AP1M2: variants seen among roughly 807,000 people sequenced by gnomAD.
The protein encoded by AP1M2 is adaptor related protein complex 1 subunit mu 2, also known as AP-1 complex subunit mu-2.
AP1M2 carries 41 observed loss-of-function variants against 54.6 expected under a neutral mutation model. The observed-to-expected ratio is 0.75, with a 90% CI of 0.59 to 0.97. The LOEUF (loss-of-function observed/expected upper bound fraction) is 0.97. AP1M2 is among the 50% of genes least tolerant of loss of function. The pLI is 0.00. For synonymous variants in AP1M2, 219 were observed against 215.9 expected, an observed-to-expected ratio of 1.01 and a Z score of -0.13; for missense variants, 507 against 561.2, an observed-to-expected ratio of 0.90 and a Z score of 0.98.
intron 11 of AP1M2, among the ~76,000 whole-genome samples, chr19:10,573,711 G>C (rs1266656176): frequency 7.0e-6 from 1 of 142,578 alleles, no homozygotes; most frequent in Non-Finnish European, 1.5e-5. Context: ...GCCCAGGATG[G>C]AGTGCAGTGG....
intron 1 of AP1M2, among the ~76,000 whole-genome samples, chr19:10,585,283 A>AAAGAAAGAAAGAAAGAAAGAAAG (rs1568434699): frequency 5.7e-5 from 6 of 104,566 alleles, no homozygotes; most frequent in African/African-American, 1.7e-4. Flanking sequence ...AAAGAAGAAA[A>AAAGAAAGAAAGAAAGAAAGAAAG]AAAGAAAGAA....
At position 10,578,957 on chromosome 19, in the gene AP1M2, G is replaced by A; in HGVS notation, c.823C>T (p.Pro275Ser). 6.2e-7 allele frequency: 1 copy of A among 1,604,522 alleles called. No homozygotes were observed. Among genetic ancestry groups the A allele is most frequent in the Non-Finnish European group, 8.5e-7 (1 of 1,175,562 alleles). The change falls in exon 8 of 12, where the codon CCA becomes TCA. Residue 275 changes from proline to serine, a missense_variant. By Grantham distance (74) the Pro-to-Ser change is moderately conservative (BLOSUM62 -1). Transcript: ENST00000250244. ...ATGACAGACTCAATCCAGATCAGTG[G>A]CTTGACCTGTGGGAAGAAGAAGGGG... Reference protein sequence around the residue: ...MSYRLSTQVKPLIWIESVIEK... With the variant: ...MSYRLSTQVKSLIWIESVIEK...
chr19:10,580,021 G>A (rs1479151557), intron 6 of AP1M2, among the ~76,000 whole-genome samples, 163 bp from the exon 7 acceptor site: 1 of 144,462 alleles, frequency 6.9e-6, no homozygotes, highest in African/African-American at 2.6e-5. Flanking sequence ...TCTGAACCTA[G>A]TATCTGTACA....
Position 10,581,777 on chromosome 19 carries a change from C to G in AP1M2, c.369G>C (p.Pro123=). 2 of 1,613,758 alleles carry G rather than the reference C, an allele frequency of 1.2e-6. No individual in the cohort carries two copies. Among genetic ancestry groups the G allele is most frequent in the South Asian group, 2.2e-5 (2 of 91,038 alleles). The change falls in exon 4 of 12, where the codon CCG becomes CCC. Residue 123 remains proline, a synonymous_variant. Coordinates refer to ENST00000250244, the MANE Select transcript of AP1M2 (RefSeq NM_005498.5). ...LLDELMDFGF[P]QTTDSKILQE... ...GCAGGATCTTGCTGTCGGTGGTCTGCGGGAAGCCAAAGTCCATGAGCTCGT... is the reference window on the plus strand; with the variant it reads ...GCAGGATCTTGCTGTCGGTGGTCTGGGGGAAGCCAAAGTCCATGAGCTCGT...
chr19:10,583,211 G>C (rs1031933204), intron 3 of AP1M2, among the ~76,000 whole-genome samples: 1 of 151,930 alleles, frequency 6.6e-6, no homozygotes, highest in Non-Finnish European at 1.5e-5. Context: ...GGGATTGGAT[G>C]CCAAGTCCTT....
chr19:10,584,797 G>A (rs1227945091), intron 1 of AP1M2, among the ~76,000 whole-genome samples: 1 of 152,088 alleles, frequency 6.6e-6, no homozygotes, highest in Admixed American at 6.6e-5. Flanking sequence ...GAGAAGTGAG[G>A]TTAGAAACCA....
At chr19:10,583,173 GGTCACACA>G (rs757277853) in intron 3 of AP1M2, among the ~76,000 whole-genome samples, 2 of 151,618 alleles carry the variant, frequency 1.3e-5, no homozygotes, top group Admixed American at 6.6e-5. Flanking sequence ...ACTTGCTCAA[GGTCACACA>G]GTGAGGAAGC....
chr19:10,577,351 C>T lies in AP1M2; in HGVS notation c.894G>A (p.Lys298=). The T allele has an allele frequency of 6.2e-7, 1 of 1,604,444 alleles. No homozygotes were observed. The highest frequency in any genetic ancestry group is 8.5e-7 in the Non-Finnish European group (1 of 1,174,878). ...CCACTGACTGTTTCTTAAACTGCCC[C>T]TTGGCCTGTCAGGGGAGCGAGCATG... ...HSRVEIMVKA[K]GQFKKQSVAN... is the part of the protein sequence containing the mutation. The change falls in exon 9 of 12, where the codon AAG becomes AAA. Residue 298 remains lysine, a synonymous_variant. Coordinates refer to ENST00000250244, the MANE Select transcript of AP1M2 (RefSeq NM_005498.5).
chr19:10,579,090 T>G, intron 7 of AP1M2, 127 bp from the exon 8 acceptor site: 1 of 682,504 alleles, frequency 1.5e-6, no homozygotes, highest in South Asian at 2.0e-5. Flanking sequence ...CATGGCGTGA[T>G]CTTGGCTCAC....
At chr19:10,585,293 A>AGG (rs1251253018) in intron 1 of AP1M2, among the ~76,000 whole-genome samples, 9 of 109,156 alleles carry the variant, frequency 8.2e-5, no homozygotes, top group Admixed American at 3.3e-4. Flanking sequence ...AAAAGAAAGA[A>AGG]AGAAAGAAAG....
At chr19:10,573,293 C>A (rs977496978) in intron 11 of AP1M2, among the ~76,000 whole-genome samples, 7 of 152,008 alleles carry the variant, frequency 4.6e-5, no homozygotes, top group African/African-American at 1.5e-4. Flanking sequence ...ATGGTGCACA[C>A]CTGTAATCCC....
At chr19:10,579,234 G>A (rs1364403660) in intron 7 of AP1M2, among the ~76,000 whole-genome samples, 1 of 151,580 alleles carries the variant, frequency 6.6e-6, no homozygotes, top group Admixed American at 6.6e-5. Flanking sequence ...GGCTAACACG[G>A]CGAAACCCCG....
rs985721890 is a variant in AP1M2, at chr19:10,587,288, G to A, written c.-57C>T. 1.3e-6 allele frequency: 2 copies of A among 1,546,928 alleles called. No homozygotes were observed. The highest frequency in any genetic ancestry group is 1.4e-5 in the African/African-American group (1 of 73,106). Reference sequence around the variant, plus strand: ...GGGAGCGCCGGGAGGCGATGGCGGCGCCGCTTCCTTCTTCCTGCGGAAGCG... The same window carrying A: ...GGGAGCGCCGGGAGGCGATGGCGGCACCGCTTCCTTCTTCCTGCGGAAGCG... On this transcript the variant is annotated 5_prime_UTR_variant, in exon 1 of 12. Transcript: ENST00000250244.
At chr19:10,577,504 G>A in intron 8 of AP1M2, 148 bp from the exon 9 acceptor site, 4 of 871,722 alleles carry the variant, frequency 4.6e-6, no homozygotes, top group African/African-American at 2.0e-5. Flanking sequence ...CGCGATCTCG[G>A]CTGGCTGTAA....
In AP1M2 at chr19:10,573,086, A is replaced by T. The variant is rs369295276; in HGVS notation, c.1252T>A (p.Tyr418Asn). Residue 418 changes from tyrosine to asparagine, a missense_variant and splice_region_variant, in exon 12 of 12, where the codon TAC (tyrosine) becomes AAC (asparagine). By Grantham distance (143) the Tyr-to-Asn change is moderately radical (BLOSUM62 -2). Transcript: ENST00000250244. ...CCCTTCTAGCTGGTACGAAGTTGGT[A>T]ATCTGCAGAGAAAGAATGAGGAGGG... ...WVRYITQSGD[Y>N]QLRTS The T allele has an allele frequency of 4.5e-4, 700 of 1,563,826 alleles. 3 individuals carry two copies. Among genetic ancestry groups the T allele is most frequent in the Non-Finnish European group, 4.2e-5 (48 of 1,154,022 alleles).
intron 1 of AP1M2, 84 bp from the exon 2 acceptor site, chr19:10,584,154 C>A: frequency 4.0e-6 from 6 of 1,491,728 alleles, no homozygotes; most frequent in Non-Finnish European, 5.4e-6. Flanking sequence ...GGTTCTGACC[C>A]TACTTCCTAG....
At position 10,581,381 on chromosome 19, in the gene AP1M2, G is replaced by A. The variant is rs755322175; in HGVS notation, c.558C>T (p.Asn186=). The A allele has an allele frequency of 5.0e-5, 81 of 1,612,090 alleles. No homozygotes were observed. The highest frequency in any genetic ancestry group is 4.9e-4 in the Middle Eastern group (3 of 6,078). ...CGATTTCGCTCAGAAGGACGCTGCCGTTGGCATTGACCTGAGGGAGGACGT... is the reference window on the plus strand; with the variant it reads ...CGATTTCGCTCAGAAGGACGCTGCCATTGGCATTGACCTGAGGGAGGACGT... ...IESVNLLVNA[N]GSVLLSEIVG... is the part of the protein sequence containing the mutation. The change falls in exon 6 of 12, where the codon AAC becomes AAT. Residue 186 remains asparagine (N), a synonymous_variant. Coordinates refer to ENST00000250244, the MANE Select transcript of AP1M2 (RefSeq NM_005498.5).
At chr19:10,580,618 A>C (rs1311965861) in intron 6 of AP1M2, among the ~76,000 whole-genome samples, 1 of 152,120 alleles carries the variant, frequency 6.6e-6, no homozygotes, top group Non-Finnish European at 1.5e-5. Flanking sequence ...AGCTGAGATC[A>C]TGCCACTGCA....
Position 10,573,037 on chromosome 19 carries a change from CG to C in AP1M2, c.*28del. The stretch of plus-strand genomic sequence containing the variant: ...TGCATCCGGGGCTGTAAGGAAGCCC[CG>C]TGTTCAAGCCCCCATCTCTTCTCCC... On this transcript the variant is annotated 3_prime_UTR_variant, in exon 12 of 12. Coordinates refer to ENST00000250244, the MANE Select transcript of AP1M2 (RefSeq NM_005498.5). 6.4e-7 allele frequency: 1 copy of C among 1,557,786 alleles called. No homozygotes were observed. Among genetic ancestry groups the C allele is most frequent in the South Asian group, 1.2e-5 (1 of 84,362 alleles).
Sources: gnomAD v4.1 joint callset for allele counts (sites outside exome capture counted in the v4.1 genomes callset) on GRCh38, gnomAD v4.1.1 for gene constraint, MANE v1.5 for transcripts, NCBI Gene and HGNC (gene_info 2026-07-23, HGNC 2026-07-21) for gene names.